Variants in ZMYND19 observed in about 807,000 individuals in gnomAD.
The protein encoded by ZMYND19 is zinc finger MYND-type containing 19, also known as zinc finger MYND domain-containing protein 19.
In ZMYND19, 17 loss-of-function variants were observed where a neutral mutation model predicts 32.0. That is an observed-to-expected ratio of 0.53 (90% confidence interval 0.36 to 0.80). ZMYND19 has a LOEUF of 0.80. Ranked by LOEUF, ZMYND19 falls within the 30% of genes least tolerant of loss-of-function variation. The probability of loss-of-function intolerance (pLI) is 0.00; values close to 1 mark genes in which losing one functional copy is unlikely to be tolerated. For missense variants in ZMYND19, 250 were observed against 293.6 expected (o/e 0.85, Z 1.09); for synonymous variants, 124 against 113.6 (o/e 1.09, Z -0.58).
Position 137,590,324 on chromosome 9 carries a change from G to C in ZMYND19, c.-61C>G. On this transcript the variant is annotated 5_prime_UTR_variant, in exon 1 of 6. Coordinates refer to ENST00000298585, the MANE Select transcript of ZMYND19 (RefSeq NM_138462.3). This position sits in a 1 kb window ranked among gnomAD's most constrained non-coding sequence, Gnocchi z 4.2. ...CCTCGGGAGGCGCCGAGCGGGGGCC[G>C]GGGCGAGGCCGCGGCGCGCCGGGAC... is the stretch of plus-strand genomic sequence containing the variant. 2.0e-6 allele frequency: 2 copies of C among 994,042 alleles called. No individual in the cohort carries two copies. Among genetic ancestry groups the C allele is most frequent in the South Asian group, 4.3e-5 (1 of 23,058 alleles). The allele number at this position is 994,042 out of a possible 1,614,324, so 61.6% of individuals were successfully genotyped here.
intron 2 of ZMYND19, among the ~76,000 whole-genome samples, chr9:137,588,369 A>G (rs1048603500): frequency 1.3e-5 from 2 of 152,232 alleles, no homozygotes; most frequent in Admixed American, 6.5e-5. Context: ...AATCACAAAC[A>G]TGAGAACATT....
chr9:137,584,852 G>T (rs981673548), intron 4 of ZMYND19, among the ~76,000 whole-genome samples: 11 of 152,192 alleles, frequency 7.2e-5, no homozygotes, highest in African/African-American at 2.7e-4. Flanking sequence ...AGCCGGGAGT[G>T]GGGGCGCAGA....
chr9:137,587,011 C>T lies in ZMYND19; in HGVS notation c.315G>A (p.Pro105=), dbSNP rs368132164. 1.6e-5 allele frequency: 26 copies of T among 1,612,550 alleles called. No homozygotes were observed. Among genetic ancestry groups the T allele is most frequent in the Middle Eastern group, 1.7e-4 (1 of 6,060 alleles). ...CTTCAGCCTTGGGCCGCCAGCCCCA[C>T]GGCACCAGTTGCAGGTTGTCCAGGC... The part of the protein sequence containing the change: ...DNRLDNLQLV[P]WGWRPKAEET... Residue 105 remains proline, a synonymous_variant, in exon 4 of 6, where the codon CCG becomes CCA. Transcript: ENST00000298585.
chr9:137,584,454 TGA>T (rs756674147), intron 4 of ZMYND19, among the ~76,000 whole-genome samples: 11 of 152,186 alleles, frequency 7.2e-5, no homozygotes, highest in Non-Finnish European at 1.6e-4. Flanking sequence ...TAAAGGGTGC[TGA>T]GAGGATTCAA....
Position 137,588,750 on chromosome 9 carries a change from C to T in ZMYND19, c.52-32G>A, listed in dbSNP as rs763801383. 1.9e-6 allele frequency: 3 copies of T among 1,613,506 alleles called. No individual in the cohort carries two copies. In the Admixed American group the frequency reaches 5.0e-5, roughly 27 times the overall value. On this transcript the variant is annotated intron_variant, in intron 1 of 5. Transcript: ENST00000298585. The stretch of plus-strand genomic sequence containing the variant: ...GTTAACCACATGTTTCAAATCATTA[C>T]ATTTGGGATCTGCGTGAGGTGCAGT...
chr9:137,589,290 C>T, intron 1 of ZMYND19: 1 of 979,484 alleles, frequency 1.0e-6, no homozygotes, highest in Non-Finnish European at 1.2e-6. Flanking sequence ...AAAGCCTCCT[C>T]CCCAGCAGGC....
chr9:137,589,366 C>T, intron 1 of ZMYND19: 1 of 985,452 alleles, frequency 1.0e-6, no homozygotes, highest in Non-Finnish European at 1.2e-6. Context: ...CAGTCTCCCT[C>T]TTGGCAGTTT....
intron 4 of ZMYND19, among the ~76,000 whole-genome samples, chr9:137,586,546 C>T (rs1211021142): frequency 6.8e-6 from 1 of 146,470 alleles, no homozygotes; most frequent in Non-Finnish European, 1.5e-5. Context: ...GGAAGGAATC[C>T]TGAGGTGAGA....
In ZMYND19 at chr9:137,583,034, A is replaced by G. The variant is rs1413589159; in HGVS notation, c.489T>C (p.Ser163=). 4 of 1,614,214 alleles carry G rather than the reference A, an allele frequency of 2.5e-6. No individual in the cohort carries two copies. Among genetic ancestry groups the G allele is most frequent in the African/African-American group, 1.3e-5 (1 of 75,066 alleles). The part of the protein sequence containing the change: ...NGDVVEEEEN[S]CTYYECHYPP... ...GGTAGTGGCACTCATAGTAGGTGCA[A>G]GAGTTCTCCTCCTCTTCCACTACAT... The change falls in exon 5 of 6, where the codon TCT becomes TCC. Residue 163 remains serine, a synonymous_variant. Transcript: ENST00000298585.
chr9:137,590,119 C>CCCGCCCCGGCCG lies in ZMYND19; in HGVS notation c.51+82_51+93dup. The CCCGCCCCGGCCG allele has an allele frequency of 1.0e-6, 1 of 982,636 alleles. No homozygotes were observed. Among genetic ancestry groups the CCCGCCCCGGCCG allele is most frequent in the African/African-American group, 1.8e-5 (1 of 56,722 alleles). 60.9% of individuals were successfully genotyped at this position (982,636 alleles called of 1,614,324 possible). A position where few individuals can be genotyped will look rare whatever the true frequency, so the allele number is the denominator to read the frequency against. ...TGGGGCCCATCCCGGGCTCCGCGCC[C>CCCGCCCCGGCCG]CCGCCCCGGCCGCCGCCCGCACAAC... On this transcript the variant is annotated intron_variant, in intron 1 of 5. Transcript: ENST00000298585. The surrounding 1 kb of genome is among the most constrained non-coding windows in gnomAD (Gnocchi z 4.2).
rs1004605796 is a variant in ZMYND19 at position 137,589,998 on chromosome 9, C to T, written c.51+215G>A. 1.5e-5 allele frequency: 15 copies of T among 985,098 alleles called. No individual in the cohort carries two copies. The South Asian group carries it at 5.2e-4, about 34-fold the overall frequency. 61.0% of individuals were successfully genotyped at this position (985,098 alleles called of 1,614,324 possible). On this transcript the variant is annotated intron_variant, in intron 1 of 5. Coordinates refer to ENST00000298585, the MANE Select transcript of ZMYND19 (RefSeq NM_138462.3). ...GCAGGGCCGAGGGTGGCCAGGTGCA[C>T]CCCAGAGCCGAGGGGTGCGTGCCCG... is the stretch of plus-strand genomic sequence containing the variant.
intron 3 of ZMYND19, chr9:137,587,516 G>GAA (rs779250736): frequency 1.7e-4 from 103 of 615,794 alleles, no homozygotes; most frequent in Non-Finnish European, 2.7e-4. Flanking sequence ...GCTCCCAGCA[G>GAA]AAAGTCCACT....
chr9:137,583,045 C>T lies in ZMYND19; in HGVS notation c.478G>A (p.Glu160Lys). 6.2e-7 allele frequency: 1 copy of T among 1,614,216 alleles called. No homozygotes were observed. The highest frequency in any genetic ancestry group is 8.5e-7 in the Non-Finnish European group (1 of 1,180,034). The change falls in exon 5 of 6, where the codon GAG becomes AAG. Residue 160 changes from glutamate (E) to lysine (K), a missense_variant. Transcript: ENST00000298585. Reference protein sequence around the residue: ...YNANGDVVEEEENSCTYYECH... With the variant: ...YNANGDVVEEKENSCTYYECH... ...TCATAGTAGGTGCAAGAGTTCTCCT[C>T]CTCTTCCACTACATCCCCGTTGGCA...
At chr9:137,585,514 A>T (rs1044117289) in intron 4 of ZMYND19, among the ~76,000 whole-genome samples, 1 of 152,072 alleles carries the variant, frequency 6.6e-6, no homozygotes, top group Non-Finnish European at 1.5e-5. Context: ...CCGTAAAATT[A>T]ATTAATTTAA....
In ZMYND19 at chr9:137,588,663, A is replaced by T; in HGVS notation, c.107T>A (p.Phe36Tyr). The change falls in exon 2 of 6, where the codon TTT becomes TAT. Residue 36 changes from phenylalanine (F) to tyrosine (Y), a missense_variant. By Grantham distance (22) the Phe-to-Tyr change is conservative. Transcript: ENST00000298585. ...QDIPLVESYS[F>Y]EARMEVDADG... The stretch of plus-strand genomic sequence containing the variant: ...GGAACAGCCATCCTTACTTACCTCA[A>T]AGGAGTAGCTCTCCACCAGCGGGAT... 6.2e-7 allele frequency: 1 copy of T among 1,614,138 alleles called. No individual in the cohort carries two copies. Among genetic ancestry groups the T allele is most frequent in the Non-Finnish European group, 8.5e-7 (1 of 1,179,992 alleles).
intron 2 of ZMYND19, among the ~76,000 whole-genome samples, chr9:137,588,138 A>C (rs1487191126): frequency 6.6e-6 from 1 of 152,222 alleles, no homozygotes; most frequent in Admixed American, 6.5e-5. Context: ...CCCCCTGGAG[A>C]GGTCACTACT....
At chr9:137,585,494 T>A (rs1842194431) in intron 4 of ZMYND19, among the ~76,000 whole-genome samples, 1 of 148,672 alleles carries the variant, frequency 6.7e-6, no homozygotes, top group African/African-American at 2.5e-5. Context: ...GGCAACATAG[T>A]GAGACCCATC....
chr9:137,582,287 A>T lies in ZMYND19; in HGVS notation c.*256T>A. The stretch of plus-strand genomic sequence containing the variant: ...TTGCCTCCCCCCCAAAAAAAACTGT[A>T]CATGAGTTTACAAACATATTAACAT... On this transcript the variant is annotated 3_prime_UTR_variant, in exon 6 of 6. Coordinates refer to ENST00000298585, the MANE Select transcript of ZMYND19 (RefSeq NM_138462.3). 2.5e-6 allele frequency: 1 copy of T among 397,562 alleles called. No individual in the cohort carries two copies. The highest frequency in any genetic ancestry group is 4.5e-6 in the Non-Finnish European group (1 of 223,332). 24.6% of individuals were successfully genotyped at this position (397,562 alleles called of 1,614,324 possible).
At chr9:137,583,200 C>A in intron 4 of ZMYND19, 37 bp from the exon 5 acceptor site, 3 of 1,603,290 alleles carry the variant, frequency 1.9e-6, no homozygotes. Context: ...TGCACTCTGG[C>A]CAAACGGGGC....
Sources: allele counts gnomAD v4.1 joint callset (sites outside exome capture counted in the v4.1 genomes callset), GRCh38; gene constraint gnomAD v4.1.1; non-coding constraint Gnocchi (gnomAD v3.1); transcripts MANE v1.5; gene names NCBI Gene and HGNC (gene_info 2026-07-23, HGNC 2026-07-21).